ZMYM4: variants seen among roughly 807,000 people sequenced by gnomAD.
ZMYM4 encodes the protein zinc finger MYM-type protein 4.
ZMYM4 carries 31 observed loss-of-function variants against 183.2 expected under a neutral mutation model. The ratio of observed to expected loss-of-function variants is 0.17; its 90% confidence interval spans 0.13 to 0.23. ZMYM4 has a LOEUF of 0.23. Among genes scored for constraint, ZMYM4 ranks in the 10% least tolerant of loss-of-function variants. The pLI is 1.00. For synonymous variants in ZMYM4, 592 were observed against 631.2 expected, an observed-to-expected ratio of 0.94 and a Z score of 0.93; for missense variants, 1,273 against 1,840.3, an observed-to-expected ratio of 0.69 and a Z score of 5.64.
At chr1:35,385,325 A>G in intron 9 of ZMYM4, 117 bp from the exon 10 acceptor site, 1 of 1,143,462 alleles carries the variant, frequency 8.7e-7, no homozygotes, top group Non-Finnish European at 1.2e-6. Context: ...TACAATCATA[A>G]AAGTTTGAAA....
At chr1:35,369,946 T>C in intron 5 of ZMYM4, 83 bp from the exon 6 acceptor site, 2 of 911,690 alleles carry the variant, frequency 2.2e-6, no homozygotes, top group Non-Finnish European at 3.4e-6. Context: ...TATATAGTGG[T>C]AGTAAAATGT....
In ZMYM4 at chr1:35,271,917, A is replaced by G. The variant is rs547745162; in HGVS notation, c.39+2832A>G. Among the ~76,000 whole-genome samples the G allele has an allele frequency of 1.1e-3, 173 of 152,234 alleles. 1 individual carries two copies. Among genetic ancestry groups the G allele is most frequent in the African/African-American group, 4.0e-3 (168 of 41,536 alleles). ...GTTGGAGGTTGCAGTGAGCTATGAT[A>G]TTGCCACTGCTCTCCAGCCTGGGTG... On this transcript the variant is annotated intron_variant, in intron 1 of 29. Coordinates refer to ENST00000314607, the MANE Select transcript of ZMYM4 (RefSeq NM_005095.3).
chr1:35,385,171 A>G (rs1306605612), intron 9 of ZMYM4, among the ~76,000 whole-genome samples: 2 of 152,226 alleles, frequency 1.3e-5, no homozygotes, highest in Admixed American at 6.5e-5. Flanking sequence ...GAAATAGAAT[A>G]GATTGGAAAA....
chr1:35,318,538 A>G (rs1160316921), intron 1 of ZMYM4, among the ~76,000 whole-genome samples: 1 of 151,936 alleles, frequency 6.6e-6, no homozygotes, highest in Non-Finnish European at 1.5e-5. Flanking sequence ...GCTCACTGCA[A>G]CCTCCGTCTC....
chr1:35,370,404 C>T lies in ZMYM4; in HGVS notation c.958C>T (p.Leu320=), dbSNP rs773370906. 5 of 1,416,036 alleles carry T rather than the reference C, an allele frequency of 3.5e-6. No homozygotes were observed. The highest frequency in any genetic ancestry group is 3.8e-6 in the Non-Finnish European group (4 of 1,058,506). 87.7% of individuals were successfully genotyped at this position (1,416,036 alleles called of 1,614,324 possible). ...PQLTTGFQPS[L]ASSGMNKMLP... ...GTTGACTACTGGCTTTCAGCCCTCA[C>T]TGGCGTCATCTGGCATGAATAAAAT... is the stretch of plus-strand genomic sequence containing the variant. Residue 320 remains leucine, a synonymous_variant, in exon 7 of 30, where the codon CTG becomes TTG. Transcript: ENST00000314607.
chr1:35,298,340 C>A (rs558826671), intron 1 of ZMYM4, among the ~76,000 whole-genome samples: 1 of 152,202 alleles, frequency 6.6e-6, no homozygotes, highest in East Asian at 1.9e-4. Flanking sequence ...GCCAGGAGAT[C>A]AAGGCTGCAG....
At chr1:35,374,181 A>ACG (rs1644283599) in intron 7 of ZMYM4, among the ~76,000 whole-genome samples, 1 of 151,132 alleles carries the variant, frequency 6.6e-6, no homozygotes, top group African/African-American at 2.4e-5. Flanking sequence ...ACAGGCATGC[A>ACG]CCACTATGCC....
chr1:35,303,110 A>T (rs1454460518), intron 1 of ZMYM4, among the ~76,000 whole-genome samples: 1 of 151,044 alleles, frequency 6.6e-6, no homozygotes, highest in Non-Finnish European at 1.5e-5. Context: ...AAAAAAAAAC[A>T]AAAAAACCTT....
chr1:35,271,910 C>T (rs997145904), intron 1 of ZMYM4, among the ~76,000 whole-genome samples: 4 of 152,110 alleles, frequency 2.6e-5, no homozygotes, highest in Non-Finnish European at 4.4e-5. Context: ...TTGCAGTGAG[C>T]TATGATATTG....
At chr1:35,388,345 C>G (rs1466419373) in intron 13 of ZMYM4, among the ~76,000 whole-genome samples, 1 of 152,146 alleles carries the variant, frequency 6.6e-6, no homozygotes, top group Non-Finnish European at 1.5e-5. Flanking sequence ...GCTGGGACTA[C>G]AGGCACCCGC....
At chr1:35,271,992 T>C (rs1436239322) in intron 1 of ZMYM4, among the ~76,000 whole-genome samples, 1 of 152,182 alleles carries the variant, frequency 6.6e-6, no homozygotes, top group Non-Finnish European at 1.5e-5. Flanking sequence ...ACATAAATAA[T>C]ATTTTTTGAT....
chr1:35,312,432 G>A lies in ZMYM4; in HGVS notation c.40-12928G>A, dbSNP rs188142090. Reference sequence around the variant, plus strand: ...AAATCTTCCATTTAACCATTTTTAGGTGTATAATTCAGTGGCATTAAGTAC... The same window carrying A: ...AAATCTTCCATTTAACCATTTTTAGATGTATAATTCAGTGGCATTAAGTAC... On this transcript the variant is annotated intron_variant, in intron 1 of 29. Transcript: ENST00000314607. Among the ~76,000 whole-genome samples the A allele has an allele frequency of 1.4e-3, 213 of 151,852 alleles. 1 individual carries two copies. Among genetic ancestry groups the A allele is most frequent in the Non-Finnish European group, 2.1e-3 (140 of 67,966 alleles).
At position 35,419,963 on chromosome 1, in the gene ZMYM4, C is replaced by A. The variant is rs959215925; in HGVS notation, c.*286C>A. On this transcript the variant is annotated 3_prime_UTR_variant, in exon 30 of 30. Transcript: ENST00000314607. ...CTTATTTTGTTTGGGAGTAACAAATCGTGGAATATTTTTAAGGAAAACTGT... is the reference window on the plus strand; with the variant it reads ...CTTATTTTGTTTGGGAGTAACAAATAGTGGAATATTTTTAAGGAAAACTGT... 1 of 382,136 alleles carries A rather than the reference C, an allele frequency of 2.6e-6. No individual in the cohort carries two copies. The highest frequency in any genetic ancestry group is 5.5e-5 in the East Asian group (1 of 18,148). 23.7% of individuals were successfully genotyped at this position (382,136 alleles called of 1,614,324 possible). A position where few individuals can be genotyped will look rare whatever the true frequency, so the allele number is the denominator to read the frequency against.
chr1:35,295,628 G>T (rs1640969248), intron 1 of ZMYM4, among the ~76,000 whole-genome samples: 1 of 152,110 alleles, frequency 6.6e-6, no homozygotes, highest in Admixed American at 6.5e-5. Flanking sequence ...TCTAGATTTG[G>T]GGAGCAAAAT....
At chr1:35,299,922 G>A (rs1312482584) in intron 1 of ZMYM4, among the ~76,000 whole-genome samples, 1 of 151,976 alleles carries the variant, frequency 6.6e-6, no homozygotes, top group African/African-American at 2.4e-5. Context: ...AGCCTACAGA[G>A]TAGCTGGGAC....
chr1:35,317,807 A>G (rs1642114547), intron 1 of ZMYM4, among the ~76,000 whole-genome samples: 1 of 152,194 alleles, frequency 6.6e-6, no homozygotes, highest in Non-Finnish European at 1.5e-5. Context: ...TAACTTATGC[A>G]ATGAAAGACA....
intron 5 of ZMYM4, among the ~76,000 whole-genome samples, chr1:35,366,802 T>A (rs1558092238): frequency 6.6e-6 from 1 of 152,046 alleles, no homozygotes; most frequent in African/African-American, 2.4e-5. Flanking sequence ...TCACTTGAGG[T>A]CAGGAGTTCA....
chr1:35,389,902 C>T lies in ZMYM4; in HGVS notation c.2437-46C>T. 6 of 1,558,278 alleles carry T rather than the reference C, an allele frequency of 3.9e-6. No homozygotes were observed. The highest frequency in any genetic ancestry group is 2.4e-5 in the South Asian group (2 of 83,934). On this transcript the variant is annotated intron_variant, in intron 14 of 29. Coordinates refer to ENST00000314607, the MANE Select transcript of ZMYM4 (RefSeq NM_005095.3). This position sits in a 1 kb window ranked among gnomAD's most constrained non-coding sequence, Gnocchi z 4.0. ...GTGTCTTATTTTTATTTTGTCAGACCACAGATAATTTGTTTCTTACTCCTT... is the reference window on the plus strand; with the variant it reads ...GTGTCTTATTTTTATTTTGTCAGACTACAGATAATTTGTTTCTTACTCCTT...
At chr1:35,378,629 C>T (rs900833953) in intron 7 of ZMYM4, among the ~76,000 whole-genome samples, 3 of 152,134 alleles carry the variant, frequency 2.0e-5, no homozygotes, top group African/African-American at 7.2e-5. Flanking sequence ...AAGCTGGTGG[C>T]TTCTACTTGA....
Sources: allele counts gnomAD v4.1 joint callset (sites outside exome capture counted in the v4.1 genomes callset), GRCh38; gene constraint gnomAD v4.1.1; non-coding constraint Gnocchi (gnomAD v3.1); transcripts MANE v1.5; gene names NCBI Gene and HGNC (gene_info 2026-07-23, HGNC 2026-07-21).